Variants in DAG1 observed in about 807,000 individuals in gnomAD.
DAG1 encodes the protein dystroglycan 1 (dystrophin-associated glycoprotein 1).
In DAG1, 8 loss-of-function variants were observed where a neutral mutation model predicts 46.1. The ratio of observed to expected loss-of-function variants is 0.17; its 90% CI spans 0.10 to 0.31. DAG1 has a LOEUF of 0.31. Ranked by LOEUF, DAG1 falls within the 10% of genes least tolerant of loss-of-function variation. The probability of loss-of-function intolerance (pLI) is 1.00; values close to 1 mark genes in which losing one functional copy is unlikely to be tolerated. For missense variants in DAG1, 1,003 were observed against 1,189.9 expected (o/e 0.84, Z 2.31); for synonymous variants, 495 against 481.8 (o/e 1.03, Z -0.36).
chr3:49,473,191 G>A (rs2049576177), intron 1 of DAG1, among the ~76,000 whole-genome samples: 1 of 151,682 alleles, frequency 6.6e-6, no homozygotes, highest in Admixed American at 6.6e-5. Context: ...TGAGGCGGGT[G>A]GATCACGAGG....
Position 49,500,713 on chromosome 3 carries a change from A to AC in DAG1, c.-116-9705dup, listed in dbSNP as rs2050425776. 4.6e-5 allele frequency among the ~76,000 whole-genome samples: 7 copies of AC among 152,320 alleles called. No individual in the cohort carries two copies. The South Asian group carries it at 1.5e-3, about 32-fold the overall frequency. On this transcript the variant is annotated intron_variant, in intron 1 of 2. Transcript: ENST00000308775. Reference sequence around the variant, plus strand: ...TAAATTGGGTAGCTGTGTCAGGAAGACTAGGTGGCTGTGGCCAGAATCTTG... The same window carrying AC: ...TAAATTGGGTAGCTGTGTCAGGAAGACCTAGGTGGCTGTGGCCAGAATCTTG...
chr3:49,503,140 G>GACAC (rs760229638), intron 1 of DAG1, among the ~76,000 whole-genome samples: 14 of 152,166 alleles, frequency 9.2e-5, no homozygotes, highest in Non-Finnish European at 2.1e-4. Flanking sequence ...GTGTGCCTAG[G>GACAC]AGTGGAAGGG....
intron 2 of DAG1, among the ~76,000 whole-genome samples, chr3:49,514,276 A>AT (rs978821228): frequency 2.6e-5 from 4 of 152,034 alleles, no homozygotes; most frequent in Non-Finnish European, 4.4e-5. Context: ...TATTAAAGGA[A>AT]TTTTTTTCTT....
chr3:49,496,837 G>A (rs2050325992), intron 1 of DAG1, among the ~76,000 whole-genome samples: 2 of 151,888 alleles, frequency 1.3e-5, no homozygotes, highest in African/African-American at 2.4e-5. Flanking sequence ...ATGTTGGCCA[G>A]GATGGTCTCC....
chr3:49,504,544 A>G (rs1321259738), intron 1 of DAG1, among the ~76,000 whole-genome samples: 1 of 124,942 alleles, frequency 8.0e-6, no homozygotes, highest in African/African-American at 3.2e-5. Context: ...TTGTCTATGT[A>G]TCTGTCCCTC....
chr3:49,478,802 C>CTTTTTTTTTTT (rs201202889), intron 1 of DAG1, among the ~76,000 whole-genome samples: 1,456 of 75,924 alleles, frequency 0.019, 127 homozygotes, highest in Non-Finnish European at 0.024. Context: ...CGTCCCCTCC[C>CTTTTTTTTTTT]TTTTTTTTTT....
intron 1 of DAG1, among the ~76,000 whole-genome samples, chr3:49,509,793 A>G (rs987953030): frequency 5.3e-5 from 8 of 152,028 alleles, no homozygotes; most frequent in Admixed American, 1.3e-4. Flanking sequence ...CAGTGGTGCA[A>G]TCTCGGCTCA....
chr3:49,485,559 T>G (rs553887124), intron 1 of DAG1, among the ~76,000 whole-genome samples: 35 of 152,268 alleles, frequency 2.3e-4, no homozygotes, highest in African/African-American at 7.5e-4. Flanking sequence ...TTTTTGTAAA[T>G]AAATAATTTT....
In DAG1 at chr3:49,487,890, G is replaced by A. The variant is rs534870805; in HGVS notation, c.-117+17457G>A. Among the ~76,000 whole-genome samples the A allele has an allele frequency of 2.0e-5, 3 of 151,918 alleles. 1 individual carries two copies. In the South Asian group the frequency reaches 6.2e-4, roughly 32 times the overall value. On this transcript the variant is annotated intron_variant, in intron 1 of 2. Coordinates refer to ENST00000308775, the MANE Select transcript of DAG1 (RefSeq NM_004393.6). ...GCTAATTTTTTGTGTTTTTCATAGAGACGGGGTTTCACCATGTTAGCCAGG... is the reference window on the plus strand; with the variant it reads ...GCTAATTTTTTGTGTTTTTCATAGAAACGGGGTTTCACCATGTTAGCCAGG...
rs1245006651 is a variant in DAG1 at position 49,531,269 on chromosome 3, A to C, written c.758A>C (p.Glu253Ala). ...CCGGGAAATGCAAAAAAGGTGGTGGAGAATGGGGCCCTTCTCTCCTGGAAG... is the reference window on the plus strand; with the variant it reads ...CCGGGAAATGCAAAAAAGGTGGTGGCGAATGGGGCCCTTCTCTCCTGGAAG... Reference protein sequence around the residue: ...AGPGNAKKVVENGALLSWKLG... With the variant: ...AGPGNAKKVVANGALLSWKLG... Residue 253 changes from glutamate to alanine, a missense_variant, in exon 3 of 3, where the codon GAG (glutamate) becomes GCG (alanine). Physicochemically the swap from Glu to Ala is moderately radical, Grantham distance 107 (BLOSUM62 -1). Around this residue, in one of 3 missense-constraint regions of DAG1, gnomAD observed 52 missense variants for 96.7 expected, o/e 0.54. Coordinates refer to ENST00000308775, the MANE Select transcript of DAG1 (RefSeq NM_004393.6). This position sits in a 1 kb window ranked among gnomAD's most constrained non-coding sequence, Gnocchi z 7.0. The C allele has an allele frequency of 6.2e-7, 1 of 1,614,146 alleles. No homozygotes were observed. The highest frequency in any genetic ancestry group is 2.2e-5 in the East Asian group (1 of 44,886).
At chr3:49,472,398 C>T (rs1173937711) in intron 1 of DAG1, among the ~76,000 whole-genome samples, 2 of 152,108 alleles carry the variant, frequency 1.3e-5, no homozygotes, top group South Asian at 2.1e-4. Flanking sequence ...GGTATAGTGA[C>T]CTACAGAGTT....
intron 2 of DAG1, among the ~76,000 whole-genome samples, chr3:49,514,223 C>T (rs1170753549): frequency 1.3e-5 from 2 of 151,946 alleles, no homozygotes; most frequent in African/African-American, 4.8e-5. Flanking sequence ...GTTCCTAGAG[C>T]TTTGGTTTCT....
intron 1 of DAG1, among the ~76,000 whole-genome samples, chr3:49,476,600 G>A (rs930170035): frequency 6.6e-6 from 1 of 152,030 alleles, no homozygotes; most frequent in Non-Finnish European, 1.5e-5. Flanking sequence ...TGAGCTAATC[G>A]TTTTAAAAAA....
intron 2 of DAG1, among the ~76,000 whole-genome samples, chr3:49,530,565 G>A (rs772176844): frequency 2.6e-5 from 4 of 152,176 alleles, no homozygotes; most frequent in African/African-American, 4.8e-5. Context: ...TCTCCCCACT[G>A]TGTGGCCTTG....
intron 1 of DAG1, among the ~76,000 whole-genome samples, chr3:49,508,901 T>C (rs1030566036): frequency 3.3e-5 from 5 of 152,230 alleles, no homozygotes; most frequent in African/African-American, 1.2e-4. Context: ...TATATACATG[T>C]ATACATTTTT....
intron 1 of DAG1, among the ~76,000 whole-genome samples, chr3:49,477,140 G>A (rs2049701880): frequency 6.6e-6 from 1 of 151,982 alleles, no homozygotes; most frequent in Non-Finnish European, 1.5e-5. Context: ...TGGGATTACA[G>A]GCATGTGCCC....
intron 1 of DAG1, chr3:49,492,883 A>G (rs548016647): frequency 6.6e-6 from 1 of 152,060 alleles, no homozygotes; most frequent in Non-Finnish European, 1.5e-5. Flanking sequence ...TGACTCCTAC[A>G]GTTCAGGCGG....
intron 2 of DAG1, among the ~76,000 whole-genome samples, chr3:49,516,894 C>T (rs774141290): frequency 6.6e-6 from 1 of 151,338 alleles, no homozygotes; most frequent in Admixed American, 6.6e-5. Flanking sequence ...TAGTGTGGCT[C>T]CATTTTTAGA....
intron 2 of DAG1, among the ~76,000 whole-genome samples, chr3:49,513,341 A>G (rs3905330): frequency 0.74 from 112,163 of 151,952 alleles, 41,869 homozygotes; most frequent in East Asian, 0.99. Context: ...TAGGTATTTC[A>G]AGAAATAGGA....
Sources: gnomAD v4.1 joint callset for allele counts (sites outside exome capture counted in the v4.1 genomes callset) on GRCh38, gnomAD v4.1.1 for gene constraint, gnomAD v4.1.1 regional missense constraint, Gnocchi (gnomAD v3.1) non-coding constraint, MANE v1.5 for transcripts, NCBI Gene and HGNC (gene_info 2026-07-23, HGNC 2026-07-21) for gene names.